Variants in TRPM3 observed in about 807,000 individuals in gnomAD.
TRPM3 encodes transient receptor potential cation channel subfamily M member 3.
A neutral mutation model predicts 181.2 loss-of-function variants in TRPM3; 77 were observed. The observed-to-expected ratio is 0.42, with a 90% confidence interval of 0.35 to 0.51. TRPM3 has a LOEUF of 0.51. Ranked by LOEUF, TRPM3 falls within the 20% of genes least tolerant of loss-of-function variation. TRPM3 has a pLI of 0.01. For missense variants in TRPM3, 1,759 were observed against 2,196.7 expected, an observed-to-expected ratio of 0.80 and a Z score of 3.98; for synonymous variants, 745 against 796.4, an observed-to-expected ratio of 0.94 and a Z score of 1.09.
At chr9:71,217,256 C>T (rs538079625) in intron 1 of TRPM3, among the ~76,000 whole-genome samples, 1 of 152,266 alleles carries the variant, frequency 6.6e-6, no homozygotes, top group South Asian at 2.1e-4. Flanking sequence ...GGCCCAGTGG[C>T]CCTTTCTTAA....
intron 1 of TRPM3, among the ~76,000 whole-genome samples, chr9:71,173,040 C>T (rs2076942196): frequency 6.6e-6 from 1 of 152,120 alleles, no homozygotes; most frequent in Non-Finnish European, 1.5e-5. Flanking sequence ...TTTCCCACAA[C>T]TCATAAAGTC....
intron 1 of TRPM3, among the ~76,000 whole-genome samples, chr9:71,165,352 G>T (rs1042944591): frequency 7.2e-5 from 11 of 152,112 alleles, no homozygotes; most frequent in African/African-American, 2.4e-4. Context: ...GTTTTGTTAT[G>T]GGTTTTGTTG....
chr9:70,591,715 C>T (rs151125251), intron 21 of TRPM3, among the ~76,000 whole-genome samples: 1 of 152,094 alleles, frequency 6.6e-6, no homozygotes, highest in Non-Finnish European at 1.5e-5. Context: ...AGCTCAAAAA[C>T]AAAACAAAAC....
At chr9:70,598,091 T>C (rs1289437221) in intron 21 of TRPM3, among the ~76,000 whole-genome samples, 1 of 152,162 alleles carries the variant, frequency 6.6e-6, no homozygotes, top group Non-Finnish European at 1.5e-5. Context: ...GGTGTGGTAA[T>C]TCCTCCCTCC....
At chr9:71,146,382 C>T (rs938270940) in intron 1 of TRPM3, among the ~76,000 whole-genome samples, 3 of 152,074 alleles carry the variant, frequency 2.0e-5, no homozygotes, top group Admixed American at 6.6e-5. Context: ...ATGTCAAAGA[C>T]GAAATTTTGA....
chr9:71,024,518 A>G (rs2097875585), intron 1 of TRPM3, among the ~76,000 whole-genome samples: 1 of 152,134 alleles, frequency 6.6e-6, no homozygotes, highest in Non-Finnish European at 1.5e-5. Flanking sequence ...AATATGTGGT[A>G]GAGTATAATT....
intron 1 of TRPM3, among the ~76,000 whole-genome samples, chr9:70,959,561 T>A (rs1462905842): frequency 6.6e-6 from 1 of 152,154 alleles, no homozygotes. Flanking sequence ...GTTTTTGGCT[T>A]CTGTTTGTTG....
intron 1 of TRPM3, among the ~76,000 whole-genome samples, chr9:71,360,652 C>T (rs1588663177): frequency 6.6e-6 from 1 of 152,260 alleles, no homozygotes; most frequent in East Asian, 1.9e-4. Flanking sequence ...ATATCATATA[C>T]CAGCTCTTAG....
At chr9:70,846,178 T>C (rs1468448739) in intron 4 of TRPM3, among the ~76,000 whole-genome samples, 200 bp downstream of exon 4, 1 of 152,232 alleles carries the variant, frequency 6.6e-6, no homozygotes, top group Admixed American at 6.5e-5. Context: ...CCATTTCTTA[T>C]GTGTAAGTAA....
chr9:70,814,893 T>A (rs2092544716), intron 6 of TRPM3, among the ~76,000 whole-genome samples: 1 of 151,530 alleles, frequency 6.6e-6, no homozygotes, highest in Non-Finnish European at 1.5e-5. Flanking sequence ...CCCTCCCTCT[T>A]TCCCTCCCCC....
rs546165952 is a variant in TRPM3 at position 71,446,532 on chromosome 9, G to A, written c.183+121C>T. The A allele has an allele frequency of 5.0e-6, 5 of 1,004,932 alleles. No individual in the cohort carries two copies. The Admixed American group carries it at 1.2e-4, about 24-fold the overall frequency. The allele number at this position is 1,004,932 out of a possible 1,614,324, so 62.3% of individuals were successfully genotyped here. On this transcript the variant is annotated intron_variant, in intron 1 of 24. Coordinates refer to the TRPM3 transcript ENST00000357533. ...CCAGCACTCTATTTCATTAGAAGCG[G>A]CGCCACAAGTTCCCTGGCTCTCACC...
chr9:70,652,013 C>T (rs2059656328), intron 9 of TRPM3, among the ~76,000 whole-genome samples: 1 of 151,976 alleles, frequency 6.6e-6, no homozygotes, highest in African/African-American at 2.4e-5. Context: ...ATCCTGAAGG[C>T]CTACTGTTGC....
chr9:70,575,850 A>T (rs957227208), intron 22 of TRPM3, among the ~76,000 whole-genome samples: 13 of 152,090 alleles, frequency 8.5e-5, no homozygotes, highest in Non-Finnish European at 1.3e-4. Context: ...ACCATTCTTA[A>T]CTGAGTTCTC....
chr9:71,392,300 A>G (rs2093080477), intron 1 of TRPM3, among the ~76,000 whole-genome samples: 1 of 152,130 alleles, frequency 6.6e-6, no homozygotes, highest in Non-Finnish European at 1.5e-5. Context: ...CCACTAGCAG[A>G]AAAGTAAAAG....
intron 1 of TRPM3, among the ~76,000 whole-genome samples, chr9:71,365,372 C>T (rs140353784): frequency 1.1e-4 from 17 of 152,290 alleles, no homozygotes; most frequent in Admixed American, 4.6e-4. Flanking sequence ...ATCCAAGTCT[C>T]ATATTAAACT....
At chr9:71,233,397 C>T (rs12115557) in intron 1 of TRPM3, among the ~76,000 whole-genome samples, 36,790 of 152,118 alleles carry the variant, frequency 0.24, 4,829 homozygotes, top group East Asian at 0.36. Context: ...CAGTCAAAAT[C>T]TGCTTTAAAA....
chr9:70,788,235 T>A (rs2084411281), intron 6 of TRPM3, among the ~76,000 whole-genome samples: 1 of 143,842 alleles, frequency 7.0e-6, no homozygotes, highest in South Asian at 2.2e-4. Context: ...ATTGTTCAAT[T>A]CCCACCTTTA....
At chr9:71,108,400 G>A (rs1236083905) in intron 1 of TRPM3, among the ~76,000 whole-genome samples, 1 of 152,122 alleles carries the variant, frequency 6.6e-6, no homozygotes, top group Admixed American at 6.6e-5. Flanking sequence ...TGCTAAGAGA[G>A]GCTGCTCCCC....
At chr9:70,602,239 G>T (rs867476612) in intron 20 of TRPM3, among the ~76,000 whole-genome samples, 11 of 151,892 alleles carry the variant, frequency 7.2e-5, no homozygotes, top group African/African-American at 2.4e-4. Context: ...CAAGAGAAGG[G>T]CTTAAGAGAT....
Sources: gnomAD v4.1 joint callset for allele counts (sites outside exome capture counted in the v4.1 genomes callset) on GRCh38, gnomAD v4.1.1 for gene constraint, MANE v1.5 for transcripts, NCBI Gene and HGNC (gene_info 2026-07-23, HGNC 2026-07-21) for gene names.